PLEKHG7: variants seen among roughly 807,000 people sequenced by gnomAD.
The protein encoded by PLEKHG7 is pleckstrin homology and RhoGEF domain containing G7.
A neutral mutation model predicts 85.2 loss-of-function variants in PLEKHG7; 77 were observed. That is an observed-to-expected ratio of 0.90 (90% CI 0.75 to 1.09). The LOEUF is 1.09. PLEKHG7 is among the 50% of genes least tolerant of loss of function. The pLI is 0.00. For missense variants in PLEKHG7, 777 were observed against 804.3 expected (o/e 0.97, Z 0.41); for synonymous variants, 301 against 302.4 (o/e 1.00, Z 0.05).
chr12:92,709,508 T>G (rs963412759), intron 3 of PLEKHG7, among the ~76,000 whole-genome samples: 5 of 152,148 alleles, frequency 3.3e-5, no homozygotes, highest in Non-Finnish European at 7.3e-5. Flanking sequence ...AATAATTGGT[T>G]AGAGAAGGCA....
rs767679089 is a variant in PLEKHG7 at position 92,755,936 on chromosome 12, CA to C, written c.1539del (p.Glu514SerfsTer3). On this transcript the variant is annotated frameshift_variant, in exon 12 of 17. Coordinates refer to ENST00000344636, the MANE Select transcript of PLEKHG7 (RefSeq NM_001377329.1). LOFTEE classifies it high-confidence loss of function. ...LWDRDKRFFI[P>X]ECLKHIFKEH... ...GATAGAGATAAAAGGTTTTTCATTC[CA>C]GAGGTACAAAAAAAAAATCAATTAG... 4 of 1,593,676 alleles carry C rather than the reference CA, an allele frequency of 2.5e-6. No homozygotes were observed. Among genetic ancestry groups the C allele is most frequent in the Non-Finnish European group, 2.6e-6 (3 of 1,169,980 alleles).
intron 3 of PLEKHG7, chr12:92,721,367 G>C (rs1183015028): frequency 2.0e-6 from 2 of 988,018 alleles, no homozygotes; most frequent in African/African-American, 3.4e-5. Flanking sequence ...GGGATGCTCT[G>C]AATTGTTGCT....
intron 4 of PLEKHG7, among the ~76,000 whole-genome samples, chr12:92,730,838 G>A (rs1871970724): frequency 6.6e-6 from 1 of 152,156 alleles, no homozygotes; most frequent in Non-Finnish European, 1.5e-5. Context: ...ATTTTTGTGT[G>A]TGCCTAGCAT....
intron 9 of PLEKHG7, among the ~76,000 whole-genome samples, chr12:92,743,371 A>G (rs180916379): frequency 3.2e-4 from 48 of 152,350 alleles, no homozygotes; most frequent in African/African-American, 9.1e-4. Flanking sequence ...AACAGGAAAC[A>G]GTATACCTGT....
In PLEKHG7 at chr12:92,736,481, G is replaced by C; in HGVS notation, c.700-1G>C. 2 of 1,231,162 alleles carry C rather than the reference G, an allele frequency of 1.6e-6. No individual in the cohort carries two copies. Among genetic ancestry groups the C allele is most frequent in the Non-Finnish European group, 2.0e-6 (2 of 987,106 alleles). 76.3% of individuals were successfully genotyped at this position (1,231,162 alleles called of 1,614,324 possible). On this transcript the variant is annotated splice_acceptor_variant, in intron 5 of 16. Coordinates refer to ENST00000344636, the MANE Select transcript of PLEKHG7 (RefSeq NM_001377329.1). LOFTEE classifies it high-confidence loss of function. ...TCCTGTTTCTAACCATCTTCGAGCA[G>C]GGCAAAGACAAACACAAGCACATAT...
chr12:92,742,955 G>C (rs1872412028), intron 9 of PLEKHG7, among the ~76,000 whole-genome samples: 1 of 152,092 alleles, frequency 6.6e-6, no homozygotes, highest in South Asian at 2.1e-4. Context: ...GTATTATTAG[G>C]CTCTTTACTA....
At chr12:92,761,674 G>T (rs1370048198) in intron 13 of PLEKHG7, 78 bp from the exon 14 acceptor site, 1 of 1,268,022 alleles carries the variant, frequency 7.9e-7, no homozygotes, top group Non-Finnish European at 1.0e-6. Context: ...AAGAAAGAAA[G>T]AAAGAAAGAA....
At chr12:92,714,702 C>G (rs941736815) in intron 3 of PLEKHG7, among the ~76,000 whole-genome samples, 1 of 152,138 alleles carries the variant, frequency 6.6e-6, no homozygotes, top group African/African-American at 2.4e-5. Context: ...TTGTTATGTT[C>G]CTTGGTTCTC....
intron 15 of PLEKHG7, among the ~76,000 whole-genome samples, chr12:92,764,665 T>C (rs1194374000): frequency 1.3e-5 from 2 of 152,076 alleles, no homozygotes; most frequent in Non-Finnish European, 2.9e-5. Context: ...TTCATATATA[T>C]ACACACATAT....
rs2136591164 is a variant in PLEKHG7 at position 92,729,032 on chromosome 12, A to C, written c.570A>C (p.Leu190Phe). Residue 190 changes from leucine to phenylalanine, a missense_variant, in exon 4 of 17, where the codon TTA (leucine) becomes TTC (phenylalanine). Coordinates refer to ENST00000344636, the MANE Select transcript of PLEKHG7 (RefSeq NM_001377329.1). Reference sequence around the variant, plus strand: ...GGCGGAGTTCTGTGGTGCTGAACTTACCTGGACTTGAGGTGTTCCCCGGGG... The same window carrying C: ...GGCGGAGTTCTGTGGTGCTGAACTTCCCTGGACTTGAGGTGTTCCCCGGGG... The part of the protein sequence containing the change: ...EHRRSSVVLN[L>F]PGLEVFPGDL... The C allele has an allele frequency of 8.1e-7, 1 of 1,231,846 alleles. No individual in the cohort carries two copies. The highest frequency in any genetic ancestry group is 3.2e-5 in the East Asian group (1 of 31,698). 76.3% of individuals were successfully genotyped at this position (1,231,846 alleles called of 1,614,324 possible).
At chr12:92,710,701 C>T (rs1331200836) in intron 3 of PLEKHG7, among the ~76,000 whole-genome samples, 1 of 152,168 alleles carries the variant, frequency 6.6e-6, no homozygotes, top group Non-Finnish European at 1.5e-5. Context: ...GCAAACTGGG[C>T]ACTCAGAAGT....
intron 4 of PLEKHG7, 89 bp from the exon 5 acceptor site, chr12:92,732,144 C>A: frequency 1.3e-6 from 1 of 764,122 alleles, no homozygotes; most frequent in African/African-American, 1.8e-5. Context: ...GGCTAATTTT[C>A]AAAAAGCAGG....
rs900516194 is a variant in PLEKHG7 at position 92,733,668 on chromosome 12, G to T, written c.699+1395G>T. 5.9e-5 allele frequency among the ~76,000 whole-genome samples: 9 copies of T among 152,248 alleles called. No individual in the cohort carries two copies. The South Asian group carries it at 1.9e-3, about 32-fold the overall frequency. On this transcript the variant is annotated intron_variant, in intron 5 of 16. Transcript: ENST00000344636. ...CACATCTGAGGTCTCAGGAGAAGGGGCATCTCCCCCCTAGCCCTCCCGAGG... is the reference window on the plus strand; with the variant it reads ...CACATCTGAGGTCTCAGGAGAAGGGTCATCTCCCCCCTAGCCCTCCCGAGG...
At chr12:92,718,213 G>A (rs1871540117) in intron 3 of PLEKHG7, among the ~76,000 whole-genome samples, 1 of 152,170 alleles carries the variant, frequency 6.6e-6, no homozygotes, top group Non-Finnish European at 1.5e-5. Context: ...AGACTACTAG[G>A]CAGTGTACTG....
chr12:92,764,455 A>G (rs1873130284), intron 15 of PLEKHG7, among the ~76,000 whole-genome samples: 1 of 152,156 alleles, frequency 6.6e-6, no homozygotes, highest in South Asian at 2.1e-4. Flanking sequence ...GGATAATAAT[A>G]TCTATTTCAG....
intron 3 of PLEKHG7, chr12:92,708,478 A>T (rs900305610): frequency 1.3e-5 from 2 of 152,258 alleles, no homozygotes; most frequent in African/African-American, 4.8e-5. Flanking sequence ...TTACCAAGCC[A>T]TAGGGAAATG....
rs1873307673 is a variant in PLEKHG7, at chr12:92,768,965, T to C, written c.1871-18T>C. On this transcript the variant is annotated intron_variant, in intron 15 of 16. Transcript: ENST00000344636. ...ATGAAATGATTTGGCTTTTTGTCTT[T>C]GTAATATCTTTTTCTAGTCTTTGGG... 1 of 1,507,246 alleles carries C rather than the reference T, an allele frequency of 6.6e-7. No individual in the cohort carries two copies. The highest frequency in any genetic ancestry group is 1.4e-5 in the African/African-American group (1 of 71,400). The allele number at this position is 1,507,246 out of a possible 1,614,324, so 93.4% of individuals were successfully genotyped here.
chr12:92,756,092 T>C (rs1364617525), intron 12 of PLEKHG7, 152 bp downstream of exon 12: 2 of 702,966 alleles, frequency 2.8e-6, no homozygotes, highest in East Asian at 5.4e-5. Flanking sequence ...TGTAGGGCAT[T>C]GTATGCGGGG....
At chr12:92,709,924 C>T (rs1008889711) in intron 3 of PLEKHG7, among the ~76,000 whole-genome samples, 2 of 152,048 alleles carry the variant, frequency 1.3e-5, no homozygotes, top group East Asian at 1.9e-4. Flanking sequence ...GTGGTGGGCA[C>T]CTATAACTCC....
Sources: gnomAD v4.1 joint callset for allele counts (sites outside exome capture counted in the v4.1 genomes callset) on GRCh38, gnomAD v4.1.1 for gene constraint, MANE v1.5 for transcripts, NCBI Gene and HGNC (gene_info 2026-07-23, HGNC 2026-07-21) for gene names.